ATG4A: variants seen among roughly 807,000 people sequenced by gnomAD.
ATG4A encodes autophagy related 4A cysteine peptidase.
ATG4A carries 22 observed loss-of-function variants against 38.4 expected under a neutral mutation model. The observed-to-expected ratio is 0.57, with a 90% CI of 0.41 to 0.82. ATG4A has a LOEUF of 0.82. ATG4A is among the 40% of genes least tolerant of loss of function. The probability of loss-of-function intolerance (pLI) is 0.00; values close to 1 mark genes in which losing one functional copy is unlikely to be tolerated. For synonymous variants in ATG4A, 86 were observed against 100.7 expected (o/e 0.85, Z 0.88); for missense variants, 220 against 290.0 (o/e 0.76, Z 1.75).
upstream of ATG4A, among the ~76,000 whole-genome samples, chrX:108,089,212 T>C (rs2031535428): frequency 8.9e-6 from 1 of 112,323 alleles, no homozygotes; most frequent in Non-Finnish European, 1.9e-5. Context: ...TAGTATCATT[T>C]AATTCCTACC....
intron 1 of ATG4A, among the ~76,000 whole-genome samples, chrX:108,121,576 G>A (rs770083956): frequency 1.5e-4 from 17 of 110,599 alleles, no homozygotes; most frequent in Non-Finnish European, 2.6e-4. Flanking sequence ...ATTCCCTCCC[G>A]TCCCCCTTAC....
At chrX:108,149,005 C>T (rs1285207438) in intron 9 of ATG4A, among the ~76,000 whole-genome samples, 2 of 112,614 alleles carry the variant, frequency 1.8e-5, no homozygotes, top group Admixed American at 9.3e-5. Context: ...AGAACAGGCC[C>T]GATGACCCTA....
intron 1 of ATG4A, among the ~76,000 whole-genome samples, chrX:108,115,809 A>G (rs1398500144): frequency 8.9e-6 from 1 of 112,550 alleles, no homozygotes; most frequent in Non-Finnish European, 1.9e-5. Context: ...TTTAACTTAG[A>G]AAAGTCTTAA....
At chrX:108,117,750 G>A (rs1293250553) in intron 1 of ATG4A, among the ~76,000 whole-genome samples, 2 of 112,064 alleles carry the variant, frequency 1.8e-5, no homozygotes, top group African/African-American at 6.5e-5. Flanking sequence ...GTCTGGCAAT[G>A]GCATATCTTA....
intron 1 of ATG4A, among the ~76,000 whole-genome samples, chrX:108,093,030 A>G (rs963325266): frequency 8.9e-5 from 10 of 112,049 alleles, no homozygotes; most frequent in Non-Finnish European, 3.8e-5. Context: ...CAAGGTTAGT[A>G]GAGTTCCTGT....
chrX:108,127,201 C>T (rs1286670737), intron 2 of ATG4A: 1 of 112,630 alleles, frequency 8.9e-6, no homozygotes, highest in Non-Finnish European at 1.9e-5. Context: ...ACAGGAATCC[C>T]CAGGTTGCCA....
At chrX:108,138,553 G>T (rs1241810422) in intron 9 of ATG4A, among the ~76,000 whole-genome samples, 1 of 112,123 alleles carries the variant, frequency 8.9e-6, no homozygotes, top group Non-Finnish European at 1.9e-5. Flanking sequence ...TCTTATTAGG[G>T]CCTGCTGGCT....
intron 1 of ATG4A, among the ~76,000 whole-genome samples, chrX:108,105,828 C>A (rs1315330304): frequency 9.0e-6 from 1 of 111,546 alleles, no homozygotes; most frequent in Non-Finnish European, 1.9e-5. Context: ...GTTCCCCCCA[C>A]CCTGAAATTG....
At chrX:108,129,732 G>A (rs1569307747) in intron 3 of ATG4A, among the ~76,000 whole-genome samples, 4 of 109,497 alleles carry the variant, frequency 3.7e-5, no homozygotes, top group African/African-American at 9.9e-5. Flanking sequence ...CAACACGCCC[G>A]GCTAATTTTT....
intron 2 of ATG4A, chrX:108,126,851 C>T (rs2032811152): frequency 1.2e-6 from 1 of 835,304 alleles, no homozygotes; most frequent in Admixed American, 3.1e-5. Context: ...CCAGATAAAG[C>T]CAGAGCTTGG....
chrX:108,135,410 CCT>C (rs2033071958), intron 6 of ATG4A, among the ~76,000 whole-genome samples: 1 of 112,042 alleles, frequency 8.9e-6, no homozygotes, highest in African/African-American at 3.2e-5. Context: ...CAGACAGGAC[CCT>C]GTTTCCATTA....
intron 1 of ATG4A, among the ~76,000 whole-genome samples, chrX:108,104,925 G>GTTT (rs56127774): frequency 1.2e-5 from 1 of 86,947 alleles, no homozygotes; most frequent in African/African-American, 4.2e-5. Flanking sequence ...TACCTGTCAT[G>GTTT]TTTTTTTTTT....
intron 10 of ATG4A, 125 bp downstream of exon 10, chrX:108,150,422 T>A: frequency 1.1e-6 from 1 of 927,088 alleles, no homozygotes; most frequent in Non-Finnish European, 1.5e-6. Flanking sequence ...TTAGAGGCAG[T>A]AGAGTGTAGT....
At chrX:108,107,310 T>G (rs979308817) in intron 1 of ATG4A, among the ~76,000 whole-genome samples, 5 of 112,346 alleles carry the variant, frequency 4.5e-5, no homozygotes, top group Non-Finnish European at 9.4e-5. Flanking sequence ...TTCAGCCCAT[T>G]CAGTGAGTAT....
chrX:108,111,100 C>T (rs1430114531), intron 1 of ATG4A, among the ~76,000 whole-genome samples: 1 of 111,309 alleles, frequency 9.0e-6, no homozygotes, highest in African/African-American at 3.3e-5. Flanking sequence ...GACAGGGTCT[C>T]CCTATGTTGC....
intron 1 of ATG4A, among the ~76,000 whole-genome samples, chrX:108,113,311 A>C (rs1333449277): frequency 8.9e-6 from 1 of 111,947 alleles, no homozygotes; most frequent in Non-Finnish European, 1.9e-5. Context: ...CATTTTAGGC[A>C]ACTCTGGTGC....
At chrX:108,111,480 A>C (rs1485563369) in intron 1 of ATG4A, among the ~76,000 whole-genome samples, 1 of 112,004 alleles carries the variant, frequency 8.9e-6, no homozygotes, top group African/African-American at 3.3e-5. Flanking sequence ...ATTTTCCTGA[A>C]GACTAGTCAC....
chrX:108,134,161 A>G lies in ATG4A; in HGVS notation c.394+3A>G, dbSNP rs1378863718. The G allele has an allele frequency of 8.4e-7, 1 of 1,192,471 alleles. No individual in the cohort carries two copies. Among genetic ancestry groups the G allele is most frequent in the Non-Finnish European group, 1.1e-6 (1 of 881,240 alleles). ...TTGCTACTCTATCCATCAAATGGGT[A>G]AGGTCATAAATCAATAGTTTAAAGG... On this transcript the variant is annotated splice_donor_region_variant and intron_variant, in intron 5 of 12. Coordinates refer to ENST00000372232, the MANE Select transcript of ATG4A (RefSeq NM_052936.5).
chrX:108,154,469 A>G lies in ATG4A; in HGVS notation c.*757A>G, dbSNP rs1200589609. On this transcript the variant is annotated 3_prime_UTR_variant, in exon 13 of 13. Transcript: ENST00000372232. Reference sequence around the variant, plus strand: ...AGGCCATGCGGCCTCTGTCACATCTACTCAACTCTGCTGTTGACATGCAAA... The same window carrying G: ...AGGCCATGCGGCCTCTGTCACATCTGCTCAACTCTGCTGTTGACATGCAAA... 2 of 112,241 alleles carry G rather than the reference A, an allele frequency of 1.8e-5. No homozygotes were observed. The highest frequency in any genetic ancestry group is 6.5e-5 in the African/African-American group (2 of 30,869). The allele number at this position is 112,241 out of a possible 1,213,427, so 9.2% of individuals were successfully genotyped here.
Sources: allele counts gnomAD v4.1 joint callset (sites outside exome capture counted in the v4.1 genomes callset), GRCh38; gene constraint gnomAD v4.1.1; transcripts MANE v1.5; gene names NCBI Gene and HGNC (gene_info 2026-07-23, HGNC 2026-07-21).